The following GABRA5 variants were observed in gnomAD, a reference collection of about 807,000 sequenced individuals.
GABRA5 encodes the protein gamma-aminobutyric acid receptor subunit alpha-5.
GABRA5 carries 18 observed loss-of-function variants against 47.3 expected under a neutral mutation model. The ratio of observed to expected loss-of-function variants is 0.38; its 90% CI spans 0.26 to 0.56. The LOEUF (loss-of-function observed/expected upper bound fraction) is 0.56, where lower values mean the gene tolerates loss of function less well. Ranked by LOEUF, GABRA5 falls within the 20% of genes least tolerant of loss-of-function variation. GABRA5 has a pLI of 0.71. For missense variants in GABRA5, 365 were observed against 599.3 expected, an observed-to-expected ratio of 0.61 and a Z score of 4.08; for synonymous variants, 237 against 229.3, an observed-to-expected ratio of 1.03 and a Z score of -0.30.
intron 6 of GABRA5, among the ~76,000 whole-genome samples, chr15:26,902,778 T>C (rs1893356567): frequency 6.6e-6 from 1 of 152,110 alleles, no homozygotes; most frequent in South Asian, 2.1e-4. Context: ...TGTAGGTTTA[T>C]GGTAGATTTT....
intron 7 of GABRA5, among the ~76,000 whole-genome samples, chr15:26,936,491 G>A (rs1214355454): frequency 6.6e-6 from 1 of 152,172 alleles, no homozygotes; most frequent in Non-Finnish European, 1.5e-5. Context: ...TTTTAAGGAG[G>A]CAAGTGATTA....
chr15:26,871,337 T>C (rs569502315), intron 3 of GABRA5, among the ~76,000 whole-genome samples: 17 of 152,192 alleles, frequency 1.1e-4, no homozygotes, highest in Non-Finnish European at 2.4e-4. Context: ...TGTAAGTAGT[T>C]TAGCCCCAAG....
Position 26,948,005 on chromosome 15 carries a change from C to T in GABRA5, c.1161C>T (p.Asn387=). ...FTTGKMSHPP[N]IPKEQTPAGT... ...CTGGGAAGATGTCTCACCCCCCAAA[C>T]ATTCCGAAGGAACAGACCCCAGCAG... The change falls in exon 11 of 11, where the codon AAC becomes AAT. Residue 387 remains asparagine, a synonymous_variant. Coordinates refer to ENST00000335625, the MANE Select transcript of GABRA5 (RefSeq NM_000810.4). 4 of 1,601,028 alleles carry T rather than the reference C, an allele frequency of 2.5e-6. No individual in the cohort carries two copies. The highest frequency in any genetic ancestry group is 3.4e-6 in the Non-Finnish European group (4 of 1,173,290).
Position 26,943,425 on chromosome 15 carries a change from A to C in GABRA5, c.1088A>C (p.Lys363Thr). 6.3e-7 allele frequency: 1 copy of C among 1,582,532 alleles called. No individual in the cohort carries two copies. Among genetic ancestry groups the C allele is most frequent in the South Asian group, 1.2e-5 (1 of 86,122 alleles). ...GKKALEAAKIKKKREVILNKS... is the reference protein window; with the variant it reads ...GKKALEAAKITKKREVILNKS... ...AAAGCCTTGGAAGCAGCCAAGATCA[A>C]GGTACTGACTATTTCTCCTCCTTTC... is the stretch of plus-strand genomic sequence containing the variant. Residue 363 changes from lysine (K) to threonine (T), a missense_variant and splice_region_variant, in exon 10 of 11, where the codon AAG (lysine) becomes ACG (threonine). Around this residue, in one of 3 missense-constraint regions of GABRA5, gnomAD observed 106 missense variants for 130.3 expected, o/e 0.81. Coordinates refer to ENST00000335625, the MANE Select transcript of GABRA5 (RefSeq NM_000810.4).
At chr15:26,874,327 T>TAAA (rs369905022) in intron 3 of GABRA5, among the ~76,000 whole-genome samples, 109 of 151,636 alleles carry the variant, frequency 7.2e-4, no homozygotes, top group African/African-American at 2.0e-3. Context: ...ATTTTTTTTT[T>TAAA]AAATGCACTG....
intron 6 of GABRA5, among the ~76,000 whole-genome samples, chr15:26,893,365 TAGC>T (rs1893074674): frequency 0.021 from 20 of 972 alleles, no homozygotes; most frequent in Admixed American, 0.03. Context: ...GTATGGTGTG[TAGC>T]GTGTGGCGGG....
intron 9 of GABRA5, among the ~76,000 whole-genome samples, 173 bp downstream of exon 9, chr15:26,940,250 A>C (rs770239309): frequency 1.3e-5 from 2 of 152,178 alleles, no homozygotes; most frequent in African/African-American, 2.4e-5. Context: ...AGAGTTTAGG[A>C]TTTCTCTCCA....
At chr15:26,918,407 G>T (rs538100966) in intron 7 of GABRA5, among the ~76,000 whole-genome samples, 10 of 152,172 alleles carry the variant, frequency 6.6e-5, no homozygotes, top group African/African-American at 2.4e-4. Flanking sequence ...GACATAAAAT[G>T]TGAATGTTCT....
At chr15:26,878,136 G>A (rs145633682) in intron 3 of GABRA5, among the ~76,000 whole-genome samples, 39 of 152,302 alleles carry the variant, frequency 2.6e-4, no homozygotes, top group South Asian at 2.5e-3. Flanking sequence ...TCCGTCACAC[G>A]CTGCACATTA....
intron 3 of GABRA5, among the ~76,000 whole-genome samples, chr15:26,879,394 T>A (rs1370330874): frequency 6.6e-6 from 1 of 152,208 alleles, no homozygotes; most frequent in Non-Finnish European, 1.5e-5. Flanking sequence ...TAGTGCTATG[T>A]CTTTCCGAAG....
intron 9 of GABRA5, among the ~76,000 whole-genome samples, chr15:26,941,574 T>C (rs1366944945): frequency 6.6e-6 from 1 of 152,182 alleles, no homozygotes; most frequent in African/African-American, 2.4e-5. Flanking sequence ...GTGTCCTTGG[T>C]GCTGTGCTGG....
intron 7 of GABRA5, among the ~76,000 whole-genome samples, chr15:26,921,162 C>G (rs1253312121): frequency 6.6e-6 from 1 of 151,654 alleles, no homozygotes; most frequent in Non-Finnish European, 1.5e-5. Context: ...GTATTCCCAC[C>G]TTTTTTATTT....
intron 7 of GABRA5, among the ~76,000 whole-genome samples, chr15:26,933,765 G>A (rs897602168): frequency 1.3e-5 from 2 of 152,084 alleles, no homozygotes; most frequent in African/African-American, 4.8e-5. Context: ...CAAGGGAAAG[G>A]GTGTGGCCAA....
intron 7 of GABRA5, among the ~76,000 whole-genome samples, chr15:26,933,672 T>C (rs1395199317): frequency 3.3e-5 from 5 of 152,064 alleles, no homozygotes; most frequent in Non-Finnish European, 7.4e-5. Context: ...GTGATGGGAG[T>C]GTATCTTCAC....
At chr15:26,915,227 TGACCAGTGCCCA>T (rs1003413862) in intron 7 of GABRA5, among the ~76,000 whole-genome samples, 2 of 152,186 alleles carry the variant, frequency 1.3e-5, no homozygotes, top group African/African-American at 4.8e-5. Context: ...TGGTCAAAGG[TGACCAGTGCCCA>T]GTACTCAGCC....
intron 3 of GABRA5, among the ~76,000 whole-genome samples, chr15:26,876,652 G>C (rs1018990731): frequency 6.6e-6 from 1 of 152,198 alleles, no homozygotes; most frequent in Non-Finnish European, 1.5e-5. Context: ...CAAGAGAAGG[G>C]AGGGGAGGCA....
chr15:26,875,531 G>C (rs1282677313), intron 3 of GABRA5, among the ~76,000 whole-genome samples: 1 of 152,238 alleles, frequency 6.6e-6, no homozygotes, highest in African/African-American at 2.4e-5. Context: ...GTGCTGGAAA[G>C]AGATGCTTGA....
chr15:26,928,597 G>C (rs980657859), intron 7 of GABRA5, among the ~76,000 whole-genome samples: 1 of 152,078 alleles, frequency 6.6e-6, no homozygotes, highest in Admixed American at 6.6e-5. Context: ...TCCTATAAAA[G>C]AGGTCCCAGA....
intron 8 of GABRA5, 108 bp downstream of exon 8, chr15:26,937,436 C>A: frequency 8.7e-7 from 1 of 1,146,680 alleles, no homozygotes; most frequent in Non-Finnish European, 1.2e-6. Context: ...GGAGGCCGCA[C>A]AGCAGCCTCC....
Sources: gnomAD v4.1 joint callset for allele counts (sites outside exome capture counted in the v4.1 genomes callset) on GRCh38, gnomAD v4.1.1 for gene constraint, gnomAD v4.1.1 regional missense constraint, MANE v1.5 for transcripts, NCBI Gene and HGNC (gene_info 2026-07-23, HGNC 2026-07-21) for gene names.